The following LRRC20 variants were observed in gnomAD, a reference collection of about 807,000 sequenced individuals.
The protein encoded by LRRC20 is leucine rich repeat containing 20, also known as leucine-rich repeat-containing protein 20.
LRRC20 carries 11 observed loss-of-function variants against 14.4 expected under a neutral mutation model. The observed-to-expected ratio is 0.77, with a 90% confidence interval of 0.48 to 1.27. The LOEUF (loss-of-function observed/expected upper bound fraction) is 1.27, where lower values mean the gene tolerates loss of function less well. Ranked by LOEUF, LRRC20 falls within the 50% of genes most tolerant of loss-of-function variation. LRRC20 has a pLI of 0.00. For synonymous variants in LRRC20, 121 were observed against 107.3 expected (o/e 1.13, Z -0.79); for missense variants, 219 against 251.2 (o/e 0.87, Z 0.87).
At chr10:70,341,519 G>A (rs1842911821) in intron 2 of LRRC20, among the ~76,000 whole-genome samples, 1 of 152,242 alleles carries the variant, frequency 6.6e-6, no homozygotes, top group Admixed American at 6.5e-5. Flanking sequence ...TGTAATCCCA[G>A]CACTTTGGGA....
chr10:70,353,875 C>T (rs182283986), intron 2 of LRRC20, among the ~76,000 whole-genome samples: 2 of 152,240 alleles, frequency 1.3e-5, no homozygotes, highest in East Asian at 3.9e-4. Context: ...GATAGATCTT[C>T]CATGATTTAC....
intron 3 of LRRC20, among the ~76,000 whole-genome samples, chr10:70,328,694 G>A (rs1018932832): frequency 6.6e-6 from 1 of 152,220 alleles, no homozygotes; most frequent in African/African-American, 2.4e-5. Flanking sequence ...AAAGTGGGTG[G>A]ATCACTTGGG....
intron 2 of LRRC20, among the ~76,000 whole-genome samples, chr10:70,372,762 T>G (rs1477419277): frequency 6.6e-6 from 1 of 151,990 alleles, no homozygotes; most frequent in East Asian, 1.9e-4. Flanking sequence ...CAGTCTTTAT[T>G]TAATCATACA....
chr10:70,352,557 A>G (rs1843350874), intron 2 of LRRC20, among the ~76,000 whole-genome samples: 1 of 152,208 alleles, frequency 6.6e-6, no homozygotes, highest in South Asian at 2.1e-4. Flanking sequence ...AGTGAACCCT[A>G]ATGTGAACCA....
intron 3 of LRRC20, among the ~76,000 whole-genome samples, chr10:70,325,941 C>T (rs1842300752): frequency 6.6e-6 from 1 of 151,976 alleles, no homozygotes; most frequent in African/African-American, 2.4e-5. Context: ...CTCATAATTG[C>T]ACTTAAAACT....
intron 3 of LRRC20, among the ~76,000 whole-genome samples, chr10:70,337,838 C>T (rs557222646): frequency 2.0e-5 from 3 of 152,140 alleles, no homozygotes; most frequent in African/African-American, 7.2e-5. Context: ...TCTGGGCCTC[C>T]GGACCTAGGT....
chr10:70,318,770 GTGT>G (rs1841969705), intron 4 of LRRC20, among the ~76,000 whole-genome samples: 1 of 150,816 alleles, frequency 6.6e-6, no homozygotes, highest in East Asian at 2.0e-4. Flanking sequence ...AAAAAAAAAA[GTGT>G]TGTTACTGTA....
chr10:70,348,711 T>C (rs997458825), intron 2 of LRRC20, among the ~76,000 whole-genome samples: 2 of 151,988 alleles, frequency 1.3e-5, no homozygotes, highest in African/African-American at 4.8e-5. Flanking sequence ...TATGCTGAAC[T>C]CCCCCATGGG....
At chr10:70,331,655 C>T (rs2136981675) in intron 3 of LRRC20, among the ~76,000 whole-genome samples, 1 of 152,226 alleles carries the variant, frequency 6.6e-6, no homozygotes, top group East Asian at 1.9e-4. Context: ...TTAGGGGTTC[C>T]AAAGATTCTT....
chr10:70,374,664 G>A (rs1373821878), intron 2 of LRRC20, among the ~76,000 whole-genome samples: 2 of 152,110 alleles, frequency 1.3e-5, no homozygotes, highest in African/African-American at 4.8e-5. Flanking sequence ...TTTTGAAGCA[G>A]GGGTAGGTTA....
chr10:70,303,974 C>T (rs985984835), intron 4 of LRRC20, among the ~76,000 whole-genome samples: 12 of 152,054 alleles, frequency 7.9e-5, no homozygotes, highest in African/African-American at 2.9e-4. Context: ...GAATTATACA[C>T]TTTATGTGGT....
chr10:70,371,940 C>G (rs889841127), intron 2 of LRRC20, among the ~76,000 whole-genome samples: 6 of 152,124 alleles, frequency 3.9e-5, no homozygotes, highest in African/African-American at 1.4e-4. Flanking sequence ...ACTGGGGGAG[C>G]ATGTGAAGTG....
intron 1 of LRRC20, among the ~76,000 whole-genome samples, chr10:70,380,933 G>A (rs1844679333): frequency 6.6e-6 from 1 of 152,204 alleles, no homozygotes; most frequent in Non-Finnish European, 1.5e-5. Context: ...GCCTAGGGGG[G>A]CATGAAGGCA....
intron 2 of LRRC20, among the ~76,000 whole-genome samples, chr10:70,357,846 A>G (rs1843588265): frequency 6.6e-6 from 1 of 152,254 alleles, no homozygotes; most frequent in Non-Finnish European, 1.5e-5. Flanking sequence ...AACAGCAGCC[A>G]GGATGACACT....
At chr10:70,324,123 GC>G in intron 3 of LRRC20, 93 bp from the exon 4 acceptor site, 1 of 1,194,348 alleles carries the variant, frequency 8.4e-7, no homozygotes, top group Non-Finnish European at 1.2e-6. Flanking sequence ...CCCTGCCTGG[GC>G]CAGGAAGGCA....
At chr10:70,356,381 G>A (rs577677249) in intron 2 of LRRC20, among the ~76,000 whole-genome samples, 17 of 152,262 alleles carry the variant, frequency 1.1e-4, no homozygotes, top group African/African-American at 4.1e-4. Context: ...GTGTGGTAGT[G>A]CATGCCTGTA....
In LRRC20 at chr10:70,374,018, G is replaced by A. The variant is rs190365337; in HGVS notation, c.82+2434C>T. On this transcript the variant is annotated intron_variant, in intron 2 of 4. Transcript: ENST00000446961. ...CCTGTCCACTGGCCCACTTGACCTT[G>A]CAATCTCCAGTCCACAGAGGTTGAA... Among the ~76,000 whole-genome samples the A allele has an allele frequency of 1.2e-3, 186 of 152,270 alleles. 2 individuals carry two copies. Among genetic ancestry groups the A allele is most frequent in the Non-Finnish European group, 2.0e-3 (134 of 68,020 alleles).
In LRRC20 at chr10:70,333,166, G is replaced by A. The variant is rs12411661; in HGVS notation, c.232+7387C>T. On this transcript the variant is annotated intron_variant, in intron 3 of 4. Coordinates refer to ENST00000446961, the MANE Select transcript of LRRC20 (RefSeq NM_001278212.2). ...CTGCAGTCTTCTGCCTTACAGGGTT[G>A]CAAGAAGTGTTAGCTTGGGCTCTGG... is the stretch of plus-strand genomic sequence containing the variant. 6.5e-3 allele frequency among the ~76,000 whole-genome samples: 990 copies of A among 152,214 alleles called. 20 individuals are homozygous for A. Among genetic ancestry groups the A allele is most frequent in the Admixed American group, 0.045 (686 of 15,304 alleles).
chr10:70,376,822 T>C (rs541129817), intron 1 of LRRC20: 6 of 449,724 alleles, frequency 1.3e-5, no homozygotes, highest in African/African-American at 1.0e-4. Context: ...ACTGGTTTTC[T>C]GGGAGGATCA....
Sources: gnomAD v4.1 joint callset for allele counts (sites outside exome capture counted in the v4.1 genomes callset) on GRCh38, gnomAD v4.1.1 for gene constraint, MANE v1.5 for transcripts, NCBI Gene and HGNC (gene_info 2026-07-23, HGNC 2026-07-21) for gene names.